ARHGAP20: variants seen among roughly 807,000 people sequenced by gnomAD.
ARHGAP20 encodes Rho GTPase activating protein 20.
A neutral mutation model predicts 73.7 loss-of-function variants in ARHGAP20; 34 were observed. That is an observed-to-expected ratio of 0.46 (90% CI 0.35 to 0.61). The LOEUF (loss-of-function observed/expected upper bound fraction) is 0.61. Ranked by LOEUF, ARHGAP20 falls within the 20% of genes least tolerant of loss-of-function variation. The pLI, the probability that ARHGAP20 is intolerant of heterozygous loss-of-function variation, is 0.00. For missense variants in ARHGAP20, 1,314 were observed against 1,420.9 expected, an observed-to-expected ratio of 0.92 and a Z score of 1.21; for synonymous variants, 523 against 518.2, an observed-to-expected ratio of 1.01 and a Z score of -0.13.
At chr11:110,584,323 C>T (rs1483438293) in intron 12 of ARHGAP20, among the ~76,000 whole-genome samples, 3 of 151,694 alleles carry the variant, frequency 2.0e-5, no homozygotes, top group African/African-American at 7.3e-5. Context: ...TTCTGCTGTT[C>T]TCATGTTGTA....
At chr11:110,671,524 T>C (rs899495931) in intron 2 of ARHGAP20, among the ~76,000 whole-genome samples, 2 of 152,016 alleles carry the variant, frequency 1.3e-5, no homozygotes, top group African/African-American at 4.8e-5. Flanking sequence ...GAAATAAAAA[T>C]CAAACAAATT....
intron 9 of ARHGAP20, among the ~76,000 whole-genome samples, chr11:110,599,754 A>C (rs1948063866): frequency 6.6e-6 from 1 of 151,902 alleles, no homozygotes; most frequent in South Asian, 2.1e-4. Context: ...CCTGACAACC[A>C]GCTGCAGAGA....
chr11:110,638,691 TC>T (rs1313811782), intron 2 of ARHGAP20, among the ~76,000 whole-genome samples: 1 of 152,026 alleles, frequency 6.6e-6, no homozygotes, highest in Non-Finnish European at 1.5e-5. Flanking sequence ...TGAGTTCATG[TC>T]CTTTGTAGGG....
chr11:110,608,953 A>T (rs755804354), intron 8 of ARHGAP20, 31 bp downstream of exon 8: 1 of 1,574,082 alleles, frequency 6.4e-7, no homozygotes. Context: ...AAACACAATC[A>T]ATGCTATCTT....
intron 8 of ARHGAP20, among the ~76,000 whole-genome samples, chr11:110,607,031 C>T (rs953187953): frequency 7.2e-5 from 11 of 152,088 alleles, no homozygotes; most frequent in African/African-American, 2.4e-5. Flanking sequence ...TTCCATAATG[C>T]TGACTTTTCC....
chr11:110,612,577 C>A (rs1019303952), intron 6 of ARHGAP20, among the ~76,000 whole-genome samples: 22 of 152,196 alleles, frequency 1.4e-4, no homozygotes, highest in African/African-American at 5.1e-4. Flanking sequence ...AGGTTTTACA[C>A]ATGAGAATTA....
intron 1 of ARHGAP20, among the ~76,000 whole-genome samples, chr11:110,701,814 T>C (rs1160703131): frequency 1.3e-5 from 2 of 152,002 alleles, no homozygotes; most frequent in African/African-American, 4.8e-5. Flanking sequence ...TAGCCAGTTT[T>C]CCCAGCACCA....
At chr11:110,612,560 C>G (rs146706731) in intron 6 of ARHGAP20, among the ~76,000 whole-genome samples, 1 of 152,014 alleles carries the variant, frequency 6.6e-6, no homozygotes, top group Non-Finnish European at 1.5e-5. Context: ...AAACTTGCTA[C>G]ATACATAGGT....
chr11:110,580,173 G>T lies in ARHGAP20; in HGVS notation c.2773C>A (p.Pro925Thr), dbSNP rs1403032533. 1.2e-6 allele frequency: 2 copies of T among 1,614,170 alleles called. No individual in the cohort carries two copies. The highest frequency in any genetic ancestry group is 4.5e-5 in the East Asian group (2 of 44,874). ...TNQNTEKVLP[P>T]RLNLCPRTSY... ...GTCCTTGGGCAAAGGTTTAATCTTG[G>T]GGGTAAAACCTTCTCAGTGTTTTGG... Residue 925 changes from proline (P) to threonine (T), a missense_variant, in exon 15 of 15, where the codon CCA (proline) becomes ACA (threonine). This residue lies in a region of ARHGAP20 where 641 missense variants were observed against 636.9 expected (regional missense o/e 1.01). Transcript: ENST00000683387.
intron 2 of ARHGAP20, among the ~76,000 whole-genome samples, chr11:110,672,578 G>C (rs2135071559): frequency 6.6e-6 from 1 of 152,110 alleles, no homozygotes; most frequent in South Asian, 2.1e-4. Context: ...CCGAGTAGCT[G>C]GGACTACAAG....
chr11:110,590,580 G>A, intron 11 of ARHGAP20, 68 bp downstream of exon 11: 1 of 1,444,642 alleles, frequency 6.9e-7, no homozygotes. Context: ...TGTTCATAAT[G>A]AAAAAGTAAA....
intron 4 of ARHGAP20, among the ~76,000 whole-genome samples, chr11:110,617,973 A>C (rs1043576297): frequency 3.9e-5 from 6 of 152,080 alleles, no homozygotes; most frequent in Non-Finnish European, 7.4e-5. Context: ...ACCATATGTC[A>C]CTCAGTTAAG....
chr11:110,658,402 G>C (rs959934708), intron 2 of ARHGAP20, among the ~76,000 whole-genome samples: 1 of 152,084 alleles, frequency 6.6e-6, no homozygotes, highest in Non-Finnish European at 1.5e-5. Context: ...CCTGTGGCTC[G>C]AGAATAATTC....
rs1396239335 is a variant in ARHGAP20, at chr11:110,614,554, C to CACTTACGT, written c.629_630+6dup. On this transcript the variant is annotated splice_region_variant and intron_variant, in intron 6 of 14. Transcript: ENST00000683387. The stretch of plus-strand genomic sequence containing the variant: ...GGAATTTAATTTTCTGGCTTAGAAA[C>CACTTACGT]ACTTACGTAGGCACAATTCCCAATG... The CACTTACGT allele has an allele frequency of 6.2e-7, 1 of 1,609,916 alleles. No individual in the cohort carries two copies. The highest frequency in any genetic ancestry group is 8.5e-7 in the Non-Finnish European group (1 of 1,176,478).
upstream of ARHGAP20, chr11:110,712,447 A>T: frequency 4.8e-6 from 1 of 207,378 alleles, no homozygotes; most frequent in Non-Finnish European, 9.4e-6. Context: ...CAGCGGCGAC[A>T]GCCCGTCAGC....
chr11:110,709,405 A>G (rs989573025), intron 1 of ARHGAP20, among the ~76,000 whole-genome samples: 8 of 152,232 alleles, frequency 5.3e-5, no homozygotes, highest in African/African-American at 1.7e-4. Context: ...TAAGGTCCCT[A>G]TTATCATAGT....
chr11:110,642,403 A>C (rs1949095996), intron 2 of ARHGAP20, among the ~76,000 whole-genome samples: 1 of 152,146 alleles, frequency 6.6e-6, no homozygotes, highest in South Asian at 2.1e-4. Context: ...TTGTGCATTC[A>C]GTATGATGTT....
Position 110,611,781 on chromosome 11 carries a change from CTCTT to C in ARHGAP20, c.631-399_631-396del, listed in dbSNP as rs150777874. 9.7e-3 allele frequency among the ~76,000 whole-genome samples: 1,475 copies of C among 151,398 alleles called. 23 individuals carry two copies. Among genetic ancestry groups the C allele is most frequent in the African/African-American group, 0.033 (1,364 of 41,090 alleles). On this transcript the variant is annotated intron_variant, in intron 6 of 14. Transcript: ENST00000683387. The stretch of plus-strand genomic sequence containing the variant: ...TAATAAAAAAAGGCAAGAGCTGAAT[CTCTT>C]TCTATTTCTTCCTTAGTAGTGTTTT...
chr11:110,605,640 T>C (rs1044158290), intron 9 of ARHGAP20, among the ~76,000 whole-genome samples: 1 of 152,248 alleles, frequency 6.6e-6, no homozygotes, highest in Non-Finnish European at 1.5e-5. Context: ...ATGAGCTAAT[T>C]TTTCATTAAT....
Sources: gnomAD v4.1 joint callset for allele counts (sites outside exome capture counted in the v4.1 genomes callset) on GRCh38, gnomAD v4.1.1 for gene constraint, gnomAD v4.1.1 regional missense constraint, MANE v1.5 for transcripts, NCBI Gene and HGNC (gene_info 2026-07-23, HGNC 2026-07-21) for gene names.